OSBPL1A: variants seen among roughly 807,000 people sequenced by gnomAD.
OSBPL1A encodes the protein oxysterol binding protein like 1A, also known as oxysterol-binding protein-related protein 1.
OSBPL1A carries 80 observed loss-of-function variants against 137.1 expected under a neutral mutation model. That is an observed-to-expected ratio of 0.58 (90% confidence interval 0.49 to 0.70). The LOEUF is 0.70. Among genes scored for constraint, OSBPL1A ranks in the 30% least tolerant of loss-of-function variants. The pLI, the probability that OSBPL1A is intolerant of heterozygous loss-of-function variation, is 0.00. For synonymous variants in OSBPL1A, 365 were observed against 389.7 expected (o/e 0.94, Z 0.75); for missense variants, 970 against 1,129.4 (o/e 0.86, Z 2.02).
intron 15 of OSBPL1A, among the ~76,000 whole-genome samples, chr18:24,280,271 G>A (rs759498114): frequency 4.8e-4 from 73 of 152,016 alleles, no homozygotes; most frequent in African/African-American, 9.4e-4. Context: ...TGGTAGAGAC[G>A]GGGTTTCAGC....
chr18:24,198,303 G>C (rs1429957940), intron 17 of OSBPL1A, among the ~76,000 whole-genome samples: 1 of 152,190 alleles, frequency 6.6e-6, no homozygotes, highest in Admixed American at 6.5e-5. Context: ...CAGAAGATGA[G>C]AGACATTCGA....
chr18:24,178,275 C>G (rs554581013), intron 20 of OSBPL1A, 80 bp from the exon 21 acceptor site: 2 of 1,249,872 alleles, frequency 1.6e-6, no homozygotes, highest in Non-Finnish European at 2.2e-6. Flanking sequence ...TACATAATTG[C>G]CCTTTCAAAG....
chr18:24,198,664 C>T (rs28683728), intron 17 of OSBPL1A, among the ~76,000 whole-genome samples: 23,716 of 151,764 alleles, frequency 0.16, 1,960 homozygotes, highest in Middle Eastern at 0.26. Flanking sequence ...GAGACACCCA[C>T]GCAGCACACA....
intron 21 of OSBPL1A, among the ~76,000 whole-genome samples, chr18:24,177,662 T>C (rs946905674): frequency 2.0e-5 from 3 of 152,274 alleles, no homozygotes; most frequent in Non-Finnish European, 4.4e-5. Flanking sequence ...CATTTCATTA[T>C]TTCTCAGAGT....
At chr18:24,216,312 C>T (rs993865704) in intron 17 of OSBPL1A, among the ~76,000 whole-genome samples, 1 of 152,188 alleles carries the variant, frequency 6.6e-6, no homozygotes, top group East Asian at 1.9e-4. Flanking sequence ...TTGAGACCAG[C>T]CTGGGCAACA....
At position 24,215,242 on chromosome 18, in the gene OSBPL1A, T is replaced by A. The variant is rs79217519; in HGVS notation, c.1601+9800A>T. Among the ~76,000 whole-genome samples, 372 of 152,332 alleles carry A rather than the reference T, an allele frequency of 2.4e-3. 9 individuals carry two copies. In the East Asian group the frequency reaches 0.051, roughly 21 times the overall value. On this transcript the variant is annotated intron_variant, in intron 17 of 27. Coordinates refer to ENST00000319481, the MANE Select transcript of OSBPL1A (RefSeq NM_080597.4). ...TGCTGAGAAAGATTACACAATGTCCTAAAACACACAATCAGATCTGAAATT... is the reference window on the plus strand; with the variant it reads ...TGCTGAGAAAGATTACACAATGTCCAAAAACACACAATCAGATCTGAAATT...
intron 14 of OSBPL1A, among the ~76,000 whole-genome samples, chr18:24,281,382 C>CT (rs932449999): frequency 3.8e-4 from 53 of 140,846 alleles, no homozygotes; most frequent in East Asian, 2.1e-3. Context: ...CCGCGCCCGG[C>CT]TTTTTTTTTT....
intron 14 of OSBPL1A, among the ~76,000 whole-genome samples, chr18:24,299,549 T>C (rs1014564982): frequency 5.9e-5 from 9 of 152,206 alleles, no homozygotes; most frequent in Admixed American, 6.5e-5. Context: ...AAAGTTTGAC[T>C]GACAGTTATT....
At chr18:24,166,340 C>T (rs1366117725) in intron 26 of OSBPL1A, among the ~76,000 whole-genome samples, 1 of 152,088 alleles carries the variant, frequency 6.6e-6, no homozygotes, top group African/African-American at 2.4e-5. Flanking sequence ...TGGCCATCTC[C>T]AGTATATTAA....
chr18:24,285,593 T>G (rs1274847639), intron 14 of OSBPL1A, among the ~76,000 whole-genome samples: 1 of 152,198 alleles, frequency 6.6e-6, no homozygotes, highest in Non-Finnish European at 1.5e-5. Flanking sequence ...AAAAACTGGA[T>G]GAAGGCATTT....
At chr18:24,191,331 A>G (rs2145937881) in intron 18 of OSBPL1A, among the ~76,000 whole-genome samples, 1 of 152,344 alleles carries the variant, frequency 6.6e-6, no homozygotes, top group Non-Finnish European at 1.5e-5. Context: ...GGGTCAAAGA[A>G]CTGAATGACA....
intron 15 of OSBPL1A, among the ~76,000 whole-genome samples, chr18:24,261,758 G>A (rs2089450104): frequency 1.3e-5 from 2 of 152,152 alleles, no homozygotes; most frequent in African/African-American, 4.8e-5. Flanking sequence ...ATCTGACCCA[G>A]GGAAGTTAAG....
At chr18:24,310,787 T>C (rs1369563396) in intron 13 of OSBPL1A, among the ~76,000 whole-genome samples, 1 of 152,186 alleles carries the variant, frequency 6.6e-6, no homozygotes, top group Non-Finnish European at 1.5e-5. Flanking sequence ...TTATTGACGA[T>C]AGGTAAATAG....
intron 17 of OSBPL1A, among the ~76,000 whole-genome samples, chr18:24,206,868 T>A (rs1280669117): frequency 6.6e-6 from 1 of 152,226 alleles, no homozygotes; most frequent in African/African-American, 2.4e-5. Flanking sequence ...GTTTTTTACA[T>A]ATCTGCCACT....
At chr18:24,225,820 A>C (rs1395796082) in intron 16 of OSBPL1A, among the ~76,000 whole-genome samples, 1 of 152,016 alleles carries the variant, frequency 6.6e-6, no homozygotes, top group Non-Finnish European at 1.5e-5. Flanking sequence ...AAACAAAAAA[A>C]TAACAGCCAG....
chr18:24,212,615 T>C (rs746795358), intron 17 of OSBPL1A, among the ~76,000 whole-genome samples: 3 of 152,182 alleles, frequency 2.0e-5, no homozygotes, highest in Non-Finnish European at 4.4e-5. Flanking sequence ...TAAGTTGATA[T>C]AATTTGATTT....
At chr18:24,177,500 G>C (rs1418519027) in intron 21 of OSBPL1A, among the ~76,000 whole-genome samples, 4 of 152,154 alleles carry the variant, frequency 2.6e-5, no homozygotes, top group South Asian at 4.1e-4. Flanking sequence ...TTTGTCTTCT[G>C]TCCGGGGTAT....
At chr18:24,363,639 C>CCTTT (rs796280741) in intron 4 of OSBPL1A, among the ~76,000 whole-genome samples, 1 of 150,970 alleles carries the variant, frequency 6.6e-6, no homozygotes, top group Non-Finnish European at 1.5e-5. Flanking sequence ...TTCCTTCCTT[C>CCTTT]CTTTCTATCT....
chr18:24,311,965 G>T lies in OSBPL1A; in HGVS notation c.1092+19C>A. 1 of 1,613,550 alleles carries T rather than the reference G, an allele frequency of 6.2e-7. No individual in the cohort carries two copies. ...TGACATAGATAGCTATAAAGGTCAG[G>T]TTACATTTTCCTATTTACCTCTAAT... is the stretch of plus-strand genomic sequence containing the variant. On this transcript the variant is annotated intron_variant, in intron 13 of 27. Coordinates refer to ENST00000319481, the MANE Select transcript of OSBPL1A (RefSeq NM_080597.4).
Sources: gnomAD v4.1 joint callset for allele counts (sites outside exome capture counted in the v4.1 genomes callset) on GRCh38, gnomAD v4.1.1 for gene constraint, MANE v1.5 for transcripts, NCBI Gene and HGNC (gene_info 2026-07-23, HGNC 2026-07-21) for gene names.